SEC14L2: variants seen among roughly 807,000 people sequenced by gnomAD.
SEC14L2 encodes the protein SEC14-like protein 2.
Under a neutral mutation model 56.9 loss-of-function variants are expected in SEC14L2, and 50 were observed. The observed-to-expected ratio is 0.88, with a 90% CI of 0.70 to 1.11. The LOEUF is 1.11. Among genes scored for constraint, SEC14L2 ranks in the 50% most tolerant of loss-of-function variants. SEC14L2 has a pLI of 0.00. For synonymous variants in SEC14L2, 179 were observed against 188.5 expected, an observed-to-expected ratio of 0.95 and a Z score of 0.41; for missense variants, 414 against 500.7, an observed-to-expected ratio of 0.83 and a Z score of 1.65.
chr22:30,406,015 C>A (rs1934082702), intron 2 of SEC14L2, among the ~76,000 whole-genome samples: 1 of 151,974 alleles, frequency 6.6e-6, no homozygotes, highest in Non-Finnish European at 1.5e-5. Flanking sequence ...ATAAGAGGAT[C>A]CGGGGTTCAT....
intron 1 of SEC14L2, 143 bp downstream of exon 1, chr22:30,397,313 C>T (rs997423123): frequency 1.3e-6 from 1 of 764,402 alleles, no homozygotes; most frequent in Non-Finnish European, 2.0e-6. Flanking sequence ...CCAGCCTGGC[C>T]CGCGCCCGCG....
chr22:30,405,738 G>A (rs185386842), intron 2 of SEC14L2, among the ~76,000 whole-genome samples: 2 of 152,060 alleles, frequency 1.3e-5, no homozygotes, highest in Admixed American at 1.3e-4. Context: ...GTATAGTAGC[G>A]AGATCTCAGC....
chr22:30,425,142 T>C lies in SEC14L2; in HGVS notation c.*2735T>C. The C allele has an allele frequency of 4.8e-6, 1 of 208,692 alleles. No individual in the cohort carries two copies. Among genetic ancestry groups the C allele is most frequent in the Non-Finnish European group, 1.0e-5 (1 of 99,614 alleles). 12.9% of individuals were successfully genotyped at this position (208,692 alleles called of 1,614,324 possible). A position where few individuals can be genotyped will look rare whatever the true frequency, so the allele number is the denominator to read the frequency against. ...TCACAACTTCACCACTTAGCAGCTG[T>C]GTGTTCTGGGAAAATGACCCACCTT... On this transcript the variant is annotated 3_prime_UTR_variant, in exon 12 of 12. Coordinates refer to ENST00000615189, the MANE Select transcript of SEC14L2 (RefSeq NM_012429.5).
intron 2 of SEC14L2, among the ~76,000 whole-genome samples, chr22:30,405,327 C>T (rs1934064328): frequency 6.6e-6 from 1 of 152,180 alleles, no homozygotes; most frequent in Non-Finnish European, 1.5e-5. Flanking sequence ...AGGAGGCAAT[C>T]CTACTCTCTG....
chr22:30,424,468 A>G lies in SEC14L2; in HGVS notation c.*2061A>G. 5.9e-6 allele frequency: 2 copies of G among 340,548 alleles called. No individual in the cohort carries two copies. The highest frequency in any genetic ancestry group is 4.6e-5 in the South Asian group (2 of 43,694). The allele number at this position is 340,548 out of a possible 1,614,324, so 21.1% of individuals were successfully genotyped here. A position where few individuals can be genotyped will look rare whatever the true frequency, so the allele number is the denominator to read the frequency against. On this transcript the variant is annotated 3_prime_UTR_variant, in exon 12 of 12. Transcript: ENST00000615189. ...CCGTAGGGAGCCAGCGGGGGCCTCA[A>G]TAGTTACTCATTTTCTCTACCTTTG...
rs1934600037 is a variant in SEC14L2, at chr22:30,424,010, A to T, written c.*1603A>T. 1 of 152,338 alleles carries T rather than the reference A, an allele frequency of 6.6e-6. No individual in the cohort carries two copies. The highest frequency in any genetic ancestry group is 2.4e-5 in the African/African-American group (1 of 41,478). 9.4% of individuals were successfully genotyped at this position (152,338 alleles called of 1,614,324 possible). A position where few individuals can be genotyped will look rare whatever the true frequency, so the allele number is the denominator to read the frequency against. On this transcript the variant is annotated 3_prime_UTR_variant, in exon 12 of 12. Coordinates refer to ENST00000615189, the MANE Select transcript of SEC14L2 (RefSeq NM_012429.5). ...CTAGCGTGAGCTTTCCCAAGGGGCC[A>T]CGCCCAGCTTGCCTTCTGATTGGTC... is the stretch of plus-strand genomic sequence containing the variant.
intron 2 of SEC14L2, among the ~76,000 whole-genome samples, chr22:30,405,328 C>T (rs1934064412): frequency 6.6e-6 from 1 of 152,158 alleles, no homozygotes; most frequent in South Asian, 2.1e-4. Context: ...GGAGGCAATC[C>T]TACTCTCTGA....
chr22:30,401,246 G>T (rs912289919), intron 2 of SEC14L2, among the ~76,000 whole-genome samples: 3 of 151,238 alleles, frequency 2.0e-5, no homozygotes, highest in African/African-American at 7.3e-5. Flanking sequence ...GTCTTGCTCT[G>T]TTGCCCAGGC....
intron 11 of SEC14L2, chr22:30,421,691 T>G (rs1934522906): frequency 6.6e-6 from 1 of 152,204 alleles, no homozygotes; most frequent in Admixed American, 6.5e-5. Flanking sequence ...GGGCCAGGTT[T>G]TCCAGGGTCC....
chr22:30,401,712 G>A (rs182272748), intron 2 of SEC14L2, among the ~76,000 whole-genome samples: 17 of 145,670 alleles, frequency 1.2e-4, no homozygotes, highest in Admixed American at 4.8e-4. Context: ...TAGTAGAGAC[G>A]GGGTTTCACT....
chr22:30,403,983 C>A (rs1601772997), intron 2 of SEC14L2, among the ~76,000 whole-genome samples: 1 of 131,116 alleles, frequency 7.6e-6, no homozygotes, highest in Admixed American at 9.1e-5. Flanking sequence ...GCAGTCCGGC[C>A]TGGGCGACAG....
intron 10 of SEC14L2, 29 bp downstream of exon 10, chr22:30,416,116 C>T (rs769787299): frequency 7.7e-5 from 125 of 1,613,330 alleles, no homozygotes; most frequent in Non-Finnish European, 9.2e-5. Flanking sequence ...CCAGGAGACC[C>T]GAGCTTTCAT....
chr22:30,417,288 T>C (rs546172783), intron 11 of SEC14L2, among the ~76,000 whole-genome samples: 8 of 152,320 alleles, frequency 5.3e-5, no homozygotes, highest in South Asian at 4.1e-4. Context: ...TCTGGGATGA[T>C]AGGATGTTTA....
At position 30,423,709 on chromosome 22, in the gene SEC14L2, A is replaced by C. The variant is rs1934585908; in HGVS notation, c.*1302A>C. On this transcript the variant is annotated 3_prime_UTR_variant, in exon 12 of 12. Coordinates refer to ENST00000615189, the MANE Select transcript of SEC14L2 (RefSeq NM_012429.5). Reference sequence around the variant, plus strand: ...GCGAAGCTGAGGGAGCTCAGGGCAAAGGCCAGGCTAGCGCGGACCGGAAGG... The same window carrying C: ...GCGAAGCTGAGGGAGCTCAGGGCAACGGCCAGGCTAGCGCGGACCGGAAGG... 1.3e-5 allele frequency: 2 copies of C among 152,334 alleles called. No individual in the cohort carries two copies. Among genetic ancestry groups the C allele is most frequent in the Non-Finnish European group, 2.9e-5 (2 of 68,088 alleles). 9.4% of individuals were successfully genotyped at this position (152,334 alleles called of 1,614,324 possible). A position where few individuals can be genotyped will look rare whatever the true frequency, so the allele number is the denominator to read the frequency against.
At chr22:30,416,806 G>A (rs1347895826) in intron 11 of SEC14L2, 7 of 1,163,990 alleles carry the variant, frequency 6.0e-6, no homozygotes, top group Non-Finnish European at 6.4e-6. Flanking sequence ...ATGCTCAAAA[G>A]TGCAGCCTTC....
intron 11 of SEC14L2, 79 bp downstream of exon 11, chr22:30,416,482 T>G (rs915979210): frequency 3.1e-6 from 5 of 1,609,120 alleles, no homozygotes; most frequent in Non-Finnish European, 4.2e-6. Context: ...CCTCCATGGA[T>G]TTTTGGCTCT....
chr22:30,410,501 T>G (rs977100819), intron 7 of SEC14L2, 95 bp from the exon 8 acceptor site: 1 of 1,195,774 alleles, frequency 8.4e-7, no homozygotes, highest in Non-Finnish European at 1.2e-6. Context: ...TGGCCCAGCA[T>G]GGGCTGGCAG....
chr22:30,410,520 C>A, intron 7 of SEC14L2, 76 bp from the exon 8 acceptor site: 1 of 1,351,530 alleles, frequency 7.4e-7, no homozygotes, highest in Non-Finnish European at 1.1e-6. Context: ...AGGAGGGTAG[C>A]AGGTGCTGCA....
intron 2 of SEC14L2, among the ~76,000 whole-genome samples, chr22:30,404,222 G>T (rs557434511): frequency 2.7e-4 from 41 of 152,176 alleles, no homozygotes; most frequent in African/African-American, 9.9e-4. Context: ...GAGAAATGAA[G>T]AGCTGGGATG....
Sources: allele counts gnomAD v4.1 joint callset (sites outside exome capture counted in the v4.1 genomes callset), GRCh38; gene constraint gnomAD v4.1.1; transcripts MANE v1.5; gene names NCBI Gene and HGNC (gene_info 2026-07-23, HGNC 2026-07-21).